COL4A3: variants seen among roughly 807,000 people sequenced by gnomAD.
COL4A3 encodes the protein collagen type IV alpha 3 chain, also known as collagen alpha-3(IV) chain.
In COL4A3, 135 loss-of-function variants were observed where a neutral mutation model predicts 217.4. That is an observed-to-expected ratio of 0.62 (90% CI 0.54 to 0.72). The LOEUF (loss-of-function observed/expected upper bound fraction) is 0.72, where lower values mean the gene tolerates loss of function less well. Among genes scored for constraint, COL4A3 ranks in the 30% least tolerant of loss-of-function variants. COL4A3 has a pLI of 0.00. For synonymous variants in COL4A3, 690 were observed against 736.3 expected (o/e 0.94, Z 1.02); for missense variants, 1,868 against 2,119.9 (o/e 0.88, Z 2.33).
chr2:227,180,165 C>G (rs1372229190), intron 1 of COL4A3, among the ~76,000 whole-genome samples: 11 of 152,174 alleles, frequency 7.2e-5, no homozygotes, highest in Admixed American at 7.2e-4. Flanking sequence ...CAGACACGGA[C>G]TAGATTCTTA....
In COL4A3 at chr2:227,264,670, T is replaced by C. The variant is rs2070783432; in HGVS notation, c.1315+726T>C. 3 of 152,238 alleles carry C rather than the reference T, an allele frequency of 2.0e-5. No individual in the cohort carries two copies. In the South Asian group the frequency reaches 6.2e-4, roughly 31 times the overall value. The allele number at this position is 152,238 out of a possible 1,614,324, so 9.4% of individuals were successfully genotyped here. A position where few individuals can be genotyped will look rare whatever the true frequency, so the allele number is the denominator to read the frequency against. On this transcript the variant is annotated intron_variant, in intron 21 of 51. Coordinates refer to ENST00000396578, the MANE Select transcript of COL4A3 (RefSeq NM_000091.5). ...ATCACACTTTATATTTTAACATACC[T>C]TTTCTGGGGCCAGGTGTGGTGGTGT...
intron 26 of COL4A3, 29 bp downstream of exon 26, chr2:227,273,146 T>A (rs1379538140): frequency 6.2e-7 from 1 of 1,611,726 alleles, no homozygotes; most frequent in Non-Finnish European, 8.5e-7. Context: ...CAGTCCTGTT[T>A]TCCGATGGAG....
chr2:227,220,214 T>TCC (rs2067718818), intron 1 of COL4A3, among the ~76,000 whole-genome samples: 2 of 34,150 alleles, frequency 5.9e-5, no homozygotes, highest in Admixed American at 7.0e-4. Flanking sequence ...AGACAGAGTC[T>TCC]CACTGTCACC....
chr2:227,242,315 C>T (rs1015084997), intron 3 of COL4A3, among the ~76,000 whole-genome samples: 2 of 152,148 alleles, frequency 1.3e-5, no homozygotes, highest in African/African-American at 2.4e-5. Flanking sequence ...TGAAGAGATA[C>T]ACAGGAGAAG....
intron 1 of COL4A3, among the ~76,000 whole-genome samples, chr2:227,200,567 T>C (rs2066647136): frequency 1.3e-5 from 2 of 152,210 alleles, no homozygotes; most frequent in African/African-American, 4.8e-5. Flanking sequence ...TGCATGTTTC[T>C]AGTGTGCATT....
intron 29 of COL4A3, 110 bp downstream of exon 29, chr2:227,280,000 T>C (rs2071852644): frequency 4.3e-6 from 3 of 693,796 alleles, no homozygotes; most frequent in Admixed American, 3.0e-5. Flanking sequence ...GATCAATATA[T>C]TTGTAGATGA....
rs184209348 is a variant in COL4A3, at chr2:227,200,553, C to T, written c.87+35740C>T. Among the ~76,000 whole-genome samples the T allele has an allele frequency of 6.4e-4, 98 of 152,322 alleles. 1 individual carries two copies. Among genetic ancestry groups the T allele is most frequent in the Non-Finnish European group, 2.1e-4 (14 of 68,030 alleles). ...CCTATTTTAGAAAACAAGGAAGGCG[C>T]TGGTGCATGTTTCTAGTGTGCATTG... is the stretch of plus-strand genomic sequence containing the variant. On this transcript the variant is annotated intron_variant, in intron 1 of 51. Coordinates refer to ENST00000396578, the MANE Select transcript of COL4A3 (RefSeq NM_000091.5).
intron 21 of COL4A3, 26 bp from the exon 22 acceptor site, chr2:227,266,390 AT>A (rs1392742126): frequency 6.5e-7 from 1 of 1,549,262 alleles, no homozygotes; most frequent in Non-Finnish European, 8.9e-7. Flanking sequence ...CAAATAAAAA[AT>A]TGTCTTTGGT....
In COL4A3 at chr2:227,266,527, T is replaced by A. The variant is rs368659326; in HGVS notation, c.1408+18T>A. ...GCCCAAAGGTTGGTTCAATCAATAATGTTGTATTAGGATAAGCCTTTTTCA... is the reference window on the plus strand; with the variant it reads ...GCCCAAAGGTTGGTTCAATCAATAAAGTTGTATTAGGATAAGCCTTTTTCA... On this transcript the variant is annotated intron_variant, in intron 22 of 51. Coordinates refer to ENST00000396578, the MANE Select transcript of COL4A3 (RefSeq NM_000091.5). The A allele has an allele frequency of 1.3e-4, 204 of 1,580,610 alleles. No homozygotes were observed. Among genetic ancestry groups the A allele is most frequent in the Non-Finnish European group, 1.7e-4 (197 of 1,150,220 alleles).
chr2:227,190,398 A>T (rs936004156), intron 1 of COL4A3, among the ~76,000 whole-genome samples: 5 of 152,208 alleles, frequency 3.3e-5, no homozygotes, highest in Non-Finnish European at 7.3e-5. Context: ...GATGCTTCTC[A>T]CAACAGTCTG....
intron 1 of COL4A3, among the ~76,000 whole-genome samples, chr2:227,224,071 C>T: frequency 6.6e-6 from 1 of 152,208 alleles, no homozygotes; most frequent in East Asian, 1.9e-4. Context: ...CTGAAGTTTG[C>T]ACGCAATCGC....
intron 1 of COL4A3, among the ~76,000 whole-genome samples, chr2:227,202,349 G>A (rs775051329): frequency 2.6e-5 from 4 of 152,028 alleles, no homozygotes; most frequent in South Asian, 2.1e-4. Context: ...AACTATAGGT[G>A]TTTCTTGAAG....
chr2:227,277,399 A>G, intron 27 of COL4A3, 50 bp from the exon 28 acceptor site: 1 of 1,105,964 alleles, frequency 9.0e-7, no homozygotes. Context: ...TTAAAATAAG[A>G]TGAAGGAAAG....
chr2:227,243,539 AGAGACT>A (rs755099371), intron 3 of COL4A3, among the ~76,000 whole-genome samples: 6 of 152,216 alleles, frequency 3.9e-5, no homozygotes, highest in African/African-American at 7.2e-5. Context: ...CATAGATGGG[AGAGACT>A]GACTTTGGCC....
In COL4A3 at chr2:227,282,397, C is replaced by T. The variant is rs759226767; in HGVS notation, c.2521C>T (p.Pro841Ser). Residue 841 changes from proline (P) to serine (S), a missense_variant, in exon 32 of 52, where the codon CCA becomes TCA. Physicochemically the swap from Pro to Ser is moderately conservative, Grantham distance 74. Around this residue, in one of 2 missense-constraint regions of COL4A3, gnomAD observed 1,503 missense variants for 1,786.1 expected, o/e 0.84. Coordinates refer to ENST00000396578, the MANE Select transcript of COL4A3 (RefSeq NM_000091.5). The surrounding 1 kb of genome is among the most constrained non-coding windows in gnomAD (Gnocchi z 4.4). ...AGGTAAAACGGGGCCAAAGGGAGAC[C>T]CAGGAATTCCAGGCTTGGATAGATC... The part of the protein sequence containing the change: ...RRGKTGPKGD[P>S]GIPGLDRSGF... The T allele has an allele frequency of 8.7e-6, 14 of 1,612,100 alleles. No individual in the cohort carries two copies. In the South Asian group the frequency reaches 1.3e-4, roughly 15 times the overall value.
At chr2:227,302,677 C>CAAAAAAAAAAAAAAA (rs56065709) in intron 43 of COL4A3, among the ~76,000 whole-genome samples, 804 of 79,724 alleles carry the variant, frequency 0.01, 133 homozygotes, top group African/African-American at 0.025. Context: ...ACTCTTTCTC[C>CAAAAAAAAAAAAAAA]AAAAAAAAAA....
intron 21 of COL4A3, chr2:227,265,308 A>C (rs889975568): frequency 6.6e-6 from 1 of 152,242 alleles, no homozygotes; most frequent in Non-Finnish European, 1.5e-5. Flanking sequence ...AGATGCAGAA[A>C]ACTGATCACA....
intron 1 of COL4A3, among the ~76,000 whole-genome samples, chr2:227,199,993 G>C (rs950528084): frequency 6.6e-6 from 1 of 152,186 alleles, no homozygotes; most frequent in African/African-American, 2.4e-5. Context: ...AGACATGTAT[G>C]GTTTGACCTA....
intron 21 of COL4A3, among the ~76,000 whole-genome samples, chr2:227,264,155 T>A (rs1481774852): frequency 6.6e-6 from 1 of 152,172 alleles, no homozygotes; most frequent in African/African-American, 2.4e-5. Flanking sequence ...AGCCCGAGTT[T>A]CCCAGAGAGC....
Sources: gnomAD v4.1 joint callset for allele counts (sites outside exome capture counted in the v4.1 genomes callset) on GRCh38, gnomAD v4.1.1 for gene constraint, gnomAD v4.1.1 regional missense constraint, Gnocchi (gnomAD v3.1) non-coding constraint, MANE v1.5 for transcripts, NCBI Gene and HGNC (gene_info 2026-07-23, HGNC 2026-07-21) for gene names.